EPHA3: variants seen among roughly 807,000 people sequenced by gnomAD.
The protein encoded by EPHA3 is ephrin type-A receptor 3.
A neutral mutation model predicts 107.1 loss-of-function variants in EPHA3; 42 were observed. That is an observed-to-expected ratio of 0.39 (90% CI 0.31 to 0.51). EPHA3 has a LOEUF of 0.51. Ranked by LOEUF, EPHA3 falls within the 20% of genes least tolerant of loss-of-function variation. The pLI, the probability that EPHA3 is intolerant of heterozygous loss-of-function variation, is 0.78. For synonymous variants in EPHA3, 461 were observed against 424.8 expected, an observed-to-expected ratio of 1.09 and a Z score of -1.05; for missense variants, 1,183 against 1,211.2, an observed-to-expected ratio of 0.98 and a Z score of 0.35.
chr3:89,137,604 A>G (rs897637261), intron 2 of EPHA3, among the ~76,000 whole-genome samples: 6 of 151,956 alleles, frequency 3.9e-5, no homozygotes, highest in African/African-American at 2.4e-5. Context: ...ATAGCTGTAG[A>G]TTACCATTAC....
intron 13 of EPHA3, among the ~76,000 whole-genome samples, chr3:89,434,660 G>A (rs1360078673): frequency 6.6e-6 from 1 of 152,198 alleles, no homozygotes; most frequent in Admixed American, 6.5e-5. Context: ...AACACAGGGG[G>A]TTAACTCTAA....
chr3:89,422,800 A>G (rs1415233741), intron 11 of EPHA3, among the ~76,000 whole-genome samples: 1 of 151,456 alleles, frequency 6.6e-6, no homozygotes, highest in African/African-American at 2.4e-5. Context: ...TATCATTTTC[A>G]AATCATTTGA....
chr3:89,131,426 GACTTAAATTGATTGT>G (rs1411553963), intron 2 of EPHA3, among the ~76,000 whole-genome samples: 2 of 152,078 alleles, frequency 1.3e-5, no homozygotes, highest in African/African-American at 2.4e-5. Context: ...GCTTACACAT[GACTTAAATTGATTGT>G]ACTTAAATTG....
At chr3:89,431,113 G>A in intron 12 of EPHA3, 37 bp from the exon 13 acceptor site, 1 of 1,581,494 alleles carries the variant, frequency 6.3e-7, no homozygotes, top group Non-Finnish European at 8.7e-7. Context: ...TAAGAAATAG[G>A]AACGTATCTT....
chr3:89,458,729 C>T (rs1196613767), intron 15 of EPHA3, among the ~76,000 whole-genome samples: 3 of 152,128 alleles, frequency 2.0e-5, no homozygotes, highest in African/African-American at 4.8e-5. Context: ...GGCGTGCACA[C>T]GTATGTTTGT....
At chr3:89,320,148 T>C (rs1707009700) in intron 3 of EPHA3, among the ~76,000 whole-genome samples, 1 of 151,876 alleles carries the variant, frequency 6.6e-6, no homozygotes, top group Admixed American at 6.6e-5. Flanking sequence ...TAGTAATATA[T>C]AGAAGAAAGA....
At chr3:89,293,428 C>CG (rs1559635556) in intron 3 of EPHA3, among the ~76,000 whole-genome samples, 3 of 152,036 alleles carry the variant, frequency 2.0e-5, no homozygotes. Flanking sequence ...TTCAAAGAGT[C>CG]GGGGAACTTT....
intron 3 of EPHA3, among the ~76,000 whole-genome samples, chr3:89,262,214 T>C (rs1205114620): frequency 6.6e-6 from 1 of 152,108 alleles, no homozygotes; most frequent in Non-Finnish European, 1.5e-5. Context: ...TATCAGAATA[T>C]TTACTCTCAT....
At chr3:89,230,009 T>C (rs1432590630) in intron 3 of EPHA3, among the ~76,000 whole-genome samples, 2 of 152,112 alleles carry the variant, frequency 1.3e-5, no homozygotes, top group Admixed American at 6.6e-5. Context: ...ACATACCACC[T>C]TGAAATATAT....
rs559233830 is a variant in EPHA3, at chr3:89,355,476, C to A, written c.1306+13386C>A. Among the ~76,000 whole-genome samples, 76 of 151,440 alleles carry A rather than the reference C, an allele frequency of 5.0e-4. 2 individuals carry two copies. Among genetic ancestry groups the A allele is most frequent in the African/African-American group, 1.7e-3 (72 of 41,472 alleles). The stretch of plus-strand genomic sequence containing the variant: ...AAAACAAAGTGGAACAGGACAGTAG[C>A]AAAAGTCCAATTGTAAATTCAGGTA... On this transcript the variant is annotated intron_variant, in intron 5 of 16. Coordinates refer to ENST00000336596, the MANE Select transcript of EPHA3 (RefSeq NM_005233.6).
chr3:89,209,198 C>A (rs1706202821), intron 2 of EPHA3, among the ~76,000 whole-genome samples: 1 of 152,134 alleles, frequency 6.6e-6, no homozygotes, highest in Admixed American at 6.5e-5. Flanking sequence ...AATGTGGGTG[C>A]AAAAGGCTTT....
intron 6 of EPHA3, among the ~76,000 whole-genome samples, chr3:89,397,871 C>A (rs67707172): frequency 0.31 from 47,054 of 152,048 alleles, 9,184 homozygotes; most frequent in South Asian, 0.52. Flanking sequence ...GCGTGAGCCA[C>A]CACCCCTGGA....
intron 16 of EPHA3, among the ~76,000 whole-genome samples, chr3:89,474,156 A>G (rs2107576750): frequency 1.3e-5 from 2 of 152,306 alleles, no homozygotes; most frequent in South Asian, 4.1e-4. Context: ...CAACAAACAA[A>G]TAAATAAGTT....
chr3:89,390,027 T>C (rs1009892793), intron 5 of EPHA3, among the ~76,000 whole-genome samples: 3 of 152,154 alleles, frequency 2.0e-5, no homozygotes, highest in African/African-American at 7.2e-5. Flanking sequence ...AGTCTCACTC[T>C]GTCGCCCTGA....
At chr3:89,342,815 C>A (rs1229862081) in intron 5 of EPHA3, among the ~76,000 whole-genome samples, 2 of 150,888 alleles carry the variant, frequency 1.3e-5, no homozygotes, top group Admixed American at 1.3e-4. Flanking sequence ...GTATACATCC[C>A]AAGAAGCTCA....
At chr3:89,126,181 C>T (rs1459834840) in intron 1 of EPHA3, among the ~76,000 whole-genome samples, 1 of 151,634 alleles carries the variant, frequency 6.6e-6, no homozygotes, top group African/African-American at 2.4e-5. Context: ...TATTGATTTT[C>T]ATGGTCTGGT....
At chr3:89,427,573 A>T (rs1709484854) in intron 11 of EPHA3, among the ~76,000 whole-genome samples, 1 of 151,930 alleles carries the variant, frequency 6.6e-6, no homozygotes, top group Non-Finnish European at 1.5e-5. Flanking sequence ...TCCTTCCTGT[A>T]AAATGCTGGA....
intron 3 of EPHA3, among the ~76,000 whole-genome samples, chr3:89,250,588 T>G (rs757486320): frequency 1.3e-5 from 2 of 152,190 alleles, no homozygotes; most frequent in Non-Finnish European, 2.9e-5. Flanking sequence ...TTTCTGTTCT[T>G]ATCCCCACTG....
chr3:89,228,683 C>T (rs1279240611), intron 3 of EPHA3, among the ~76,000 whole-genome samples: 7 of 151,730 alleles, frequency 4.6e-5, no homozygotes, highest in Admixed American at 3.3e-4. Flanking sequence ...AAAAATGTGC[C>T]GTGTTCTCTA....
Sources: allele counts gnomAD v4.1 joint callset (sites outside exome capture counted in the v4.1 genomes callset), GRCh38; gene constraint gnomAD v4.1.1; transcripts MANE v1.5; gene names NCBI Gene and HGNC (gene_info 2026-07-23, HGNC 2026-07-21).